CELF2: variants seen among roughly 807,000 people sequenced by gnomAD.
CELF2 encodes CUGBP Elav-like family member 2.
A neutral mutation model predicts 62.6 loss-of-function variants in CELF2; 8 were observed. The ratio of observed to expected loss-of-function variants is 0.13; its 90% CI spans 0.07 to 0.23. CELF2 has a LOEUF of 0.23. Ranked by LOEUF, CELF2 falls within the 10% of genes least tolerant of loss-of-function variation. The pLI is 1.00. For missense variants in CELF2, 333 were observed against 671.0 expected, an observed-to-expected ratio of 0.50 and a Z score of 5.56; for synonymous variants, 258 against 250.0, an observed-to-expected ratio of 1.03 and a Z score of -0.30.
chr10:10,606,807 G>T, the CELF2 span, among the ~76,000 whole-genome samples: 1 of 152,066 alleles, frequency 6.6e-6, no homozygotes, highest in Non-Finnish European at 1.5e-5. Context: ...AAGGGTCTGG[G>T]AAAGTCTCCT....
the CELF2 span, among the ~76,000 whole-genome samples, chr10:10,661,303 T>C: frequency 6.6e-6 from 1 of 152,266 alleles, no homozygotes; most frequent in Non-Finnish European, 1.5e-5. Flanking sequence ...CTCAGCAAGA[T>C]ATCATTGAGA....
chr10:11,126,257 C>A (rs1175069531), intron 1 of CELF2, among the ~76,000 whole-genome samples: 1 of 152,182 alleles, frequency 6.6e-6, no homozygotes, highest in African/African-American at 2.4e-5. Flanking sequence ...CCTTTCAGAA[C>A]CATTTTTCGC....
At chr10:10,921,742 G>T (rs1011326363) in intron 2 of CELF2, among the ~76,000 whole-genome samples, 1 of 152,094 alleles carries the variant, frequency 6.6e-6, no homozygotes, top group Non-Finnish European at 1.5e-5. Flanking sequence ...AAGGATGGAC[G>T]CAGGAAAGGG....
At chr10:11,200,337 A>T (rs2058939424) in intron 2 of CELF2, among the ~76,000 whole-genome samples, 1 of 152,220 alleles carries the variant, frequency 6.6e-6, no homozygotes, top group South Asian at 2.1e-4. Flanking sequence ...AAATGCTAAA[A>T]GCCTAAGAGC....
the CELF2 span, among the ~76,000 whole-genome samples, chr10:10,690,974 A>G: frequency 5.3e-5 from 8 of 151,974 alleles, no homozygotes; most frequent in Admixed American, 3.9e-4. Flanking sequence ...TTCAGAGAAA[A>G]GGGAAATCGC....
intron 3 of CELF2, among the ~76,000 whole-genome samples, chr10:11,231,558 A>G (rs1434473969): frequency 4.6e-5 from 7 of 152,126 alleles, no homozygotes; most frequent in Admixed American, 4.6e-4. Flanking sequence ...GGGCTGGAAG[A>G]TAAAAAGGAC....
At chr10:11,307,742 G>A (rs1178893932) in intron 9 of CELF2, among the ~76,000 whole-genome samples, 1 of 152,212 alleles carries the variant, frequency 6.6e-6, no homozygotes, top group Non-Finnish European at 1.5e-5. Context: ...CCACTGAAAA[G>A]AGCTGATGAA....
In CELF2 at chr10:10,988,232, T is replaced by A. The variant is rs368604737; in HGVS notation, c.89+68233T>A. 4.2e-4 allele frequency among the ~76,000 whole-genome samples: 63 copies of A among 151,536 alleles called. 2 individuals are homozygous for A. In the Middle Eastern group the frequency reaches 0.024, roughly 57 times the overall value. On this transcript the variant is annotated intron_variant, in intron 2 of 13. Transcript: ENST00000636488. ...ATGAATGGATAAAGAAAATGTGACA[T>A]ATATAGATATATAGATATACACACA...
At chr10:10,730,108 G>A in the CELF2 span, among the ~76,000 whole-genome samples, 1 of 152,022 alleles carries the variant, frequency 6.6e-6, no homozygotes, top group Non-Finnish European at 1.5e-5. Flanking sequence ...AATTTACTAG[G>A]GGACTTTTCC....
chr10:11,062,019 C>A (rs990120859), intron 1 of CELF2, among the ~76,000 whole-genome samples: 3 of 152,218 alleles, frequency 2.0e-5, no homozygotes, highest in African/African-American at 7.2e-5. Context: ...ACCATGTTGG[C>A]CAGGCTGGTC....
chr10:10,884,049 C>A (rs578246573), intron 1 of CELF2, among the ~76,000 whole-genome samples: 1 of 152,158 alleles, frequency 6.6e-6, no homozygotes, highest in Admixed American at 6.6e-5. Flanking sequence ...TTGTCAGGAG[C>A]TGTTTGGGAA....
intron 9 of CELF2, 56 bp downstream of exon 9, chr10:11,288,608 G>T (rs1357139424): frequency 1.3e-6 from 2 of 1,596,794 alleles, no homozygotes; most frequent in African/African-American, 1.3e-5. Flanking sequence ...TGGCAGGTAG[G>T]TTTCCGTGCC....
At chr10:10,935,545 G>T (rs1320499554) in intron 2 of CELF2, 1 of 152,118 alleles carries the variant, frequency 6.6e-6, no homozygotes, top group Non-Finnish European at 1.5e-5. Context: ...TGAGCCACGA[G>T]GACTTCACAT....
intron 1 of CELF2, among the ~76,000 whole-genome samples, chr10:10,881,680 A>G (rs1029474566): frequency 3.9e-5 from 6 of 152,188 alleles, no homozygotes; most frequent in African/African-American, 1.4e-4. Flanking sequence ...GAAAGTCTTC[A>G]TATGTGTACA....
At chr10:10,939,457 T>C (rs1380900798) in intron 2 of CELF2, among the ~76,000 whole-genome samples, 1 of 152,058 alleles carries the variant, frequency 6.6e-6, no homozygotes, top group Non-Finnish European at 1.5e-5. Flanking sequence ...TGATAATTTT[T>C]GTATTTTTAG....
At chr10:11,167,953 T>C (rs1246067325) in intron 2 of CELF2, among the ~76,000 whole-genome samples, 1 of 152,172 alleles carries the variant, frequency 6.6e-6, no homozygotes, top group Non-Finnish European at 1.5e-5. Context: ...GATTCGGACA[T>C]GGTCCATCTG....
the CELF2 span, among the ~76,000 whole-genome samples, chr10:10,634,272 A>G: frequency 3.9e-5 from 6 of 152,114 alleles, no homozygotes; most frequent in African/African-American, 1.4e-4. Context: ...TTATGCATAT[A>G]TCTCATTAAT....
At chr10:10,739,465 G>A in the CELF2 span, among the ~76,000 whole-genome samples, 2 of 152,048 alleles carry the variant, frequency 1.3e-5, no homozygotes, top group Non-Finnish European at 2.9e-5. Flanking sequence ...AATAATTTTA[G>A]ACTTACAGAA....
chr10:10,837,633 A>G (rs764085301), intron 1 of CELF2, among the ~76,000 whole-genome samples: 9 of 152,194 alleles, frequency 5.9e-5, no homozygotes, highest in Non-Finnish European at 1.0e-4. Flanking sequence ...TCTTATGCAT[A>G]TTAGTACAAA....
Sources: gnomAD v4.1 joint callset for allele counts (sites outside exome capture counted in the v4.1 genomes callset) on GRCh38, gnomAD v4.1.1 for gene constraint, MANE v1.5 for transcripts, NCBI Gene and HGNC (gene_info 2026-07-23, HGNC 2026-07-21) for gene names.